ZNF292: variants seen among roughly 807,000 people sequenced by gnomAD.
The protein encoded by ZNF292 is 16 zinc-finger domain protein.
ZNF292 carries 26 observed loss-of-function variants against 217.9 expected under a neutral mutation model. That is an observed-to-expected ratio of 0.12 (90% CI 0.09 to 0.17). ZNF292 has a LOEUF of 0.17. Among genes scored for constraint, ZNF292 ranks in the 10% least tolerant of loss-of-function variants. ZNF292 has a pLI of 1.00. For synonymous variants in ZNF292, 1,257 were observed against 1,124.1 expected (o/e 1.12, Z -2.37); for missense variants, 2,904 against 3,175.2 (o/e 0.91, Z 2.05).
intron 4 of ZNF292, 53 bp downstream of exon 4, chr6:87,218,784 A>G: frequency 6.7e-7 from 1 of 1,497,410 alleles, no homozygotes; most frequent in Non-Finnish European, 8.9e-7. Flanking sequence ...AGAAAAAATA[A>G]GTGTTAAAGT....
chr6:87,155,904 C>A (rs1159954207), intron 1 of ZNF292, 145 bp downstream of exon 1: 7 of 1,068,276 alleles, frequency 6.6e-6, no homozygotes, highest in African/African-American at 1.6e-5. Flanking sequence ...AGAAGGAAGG[C>A]GCCTTTGTGT....
chr6:87,258,956 G>T lies in ZNF292; in HGVS notation c.5327G>T (p.Gly1776Val), dbSNP rs1169546527. ...TCTCAAATACTTGAGGTAAAAAGTGGATCTCAGGGTGCTGGTGAAACTTCA... is the reference window on the plus strand; with the variant it reads ...TCTCAAATACTTGAGGTAAAAAGTGTATCTCAGGGTGCTGGTGAAACTTCA... ...MNSQILEVKS[G>V]SQGAGETSQN... Residue 1776 changes from glycine (G) to valine (V), a missense_variant, in exon 8 of 8, where the codon GGA (glycine) becomes GTA (valine). By Grantham distance (109) the Gly-to-Val change is moderately radical. Around this residue, in one of 15 missense-constraint regions of ZNF292, gnomAD observed 622 missense variants for 573.1 expected, o/e 1.09. Coordinates refer to ENST00000369577, the MANE Select transcript of ZNF292 (RefSeq NM_015021.3). 1.2e-6 allele frequency: 2 copies of T among 1,612,942 alleles called. No homozygotes were observed. Among genetic ancestry groups the T allele is most frequent in the South Asian group, 2.2e-5 (2 of 90,970 alleles).
intron 7 of ZNF292, among the ~76,000 whole-genome samples, chr6:87,250,192 G>A (rs994067377): frequency 1.3e-4 from 20 of 151,852 alleles, no homozygotes; most frequent in African/African-American, 4.4e-4. Context: ...TGGCTCACCT[G>A]TAATCCCAGC....
intron 1 of ZNF292, among the ~76,000 whole-genome samples, chr6:87,186,008 T>G (rs1771638897): frequency 6.6e-6 from 1 of 152,190 alleles, no homozygotes; most frequent in Admixed American, 6.5e-5. Context: ...TACCTAGGCA[T>G]GATTGATTAC....
At chr6:87,224,654 A>G (rs1773251026) in intron 4 of ZNF292, among the ~76,000 whole-genome samples, 1 of 152,202 alleles carries the variant, frequency 6.6e-6, no homozygotes, top group African/African-American at 2.4e-5. Context: ...CCAATGAGCT[A>G]TTAGCTCATT....
chr6:87,214,346 G>T (rs897244826), intron 1 of ZNF292, among the ~76,000 whole-genome samples: 1 of 151,958 alleles, frequency 6.6e-6, no homozygotes, highest in Non-Finnish European at 1.5e-5. Flanking sequence ...CTTTACCTTT[G>T]GGTTTCATGT....
At chr6:87,235,046 C>G (rs1363638640) in intron 5 of ZNF292, among the ~76,000 whole-genome samples, 2 of 152,094 alleles carry the variant, frequency 1.3e-5, no homozygotes, top group African/African-American at 4.8e-5. Context: ...GATACTATAT[C>G]ACTATTAGTT....
chr6:87,250,698 C>T (rs956131695), intron 7 of ZNF292, among the ~76,000 whole-genome samples: 2 of 152,124 alleles, frequency 1.3e-5, no homozygotes, highest in African/African-American at 4.8e-5. Flanking sequence ...GGAACCAATG[C>T]CCCCAGATTC....
chr6:87,261,927 CAAA>C lies in ZNF292; in HGVS notation c.*130_*132del. On this transcript the variant is annotated 3_prime_UTR_variant, in exon 8 of 8. Transcript: ENST00000369577. ...TGACATGAATTAACCTGGCCAAAAA[CAAA>C]AAAGAAAAAAAAAACATGACATTTG... The C allele has an allele frequency of 1.6e-6, 1 of 626,558 alleles. No individual in the cohort carries two copies. Among genetic ancestry groups the C allele is most frequent in the Non-Finnish European group, 2.3e-6 (1 of 427,978 alleles). The allele number at this position is 626,558 out of a possible 1,614,324, so 38.8% of individuals were successfully genotyped here. A position where few individuals can be genotyped will look rare whatever the true frequency, so the allele number is the denominator to read the frequency against.
rs745802482 is a variant in ZNF292, at chr6:87,261,753, T to TA, written c.8125dup (p.Met2709AsnfsTer8). ...ATTCAAATGATCCAGATATGTCTGT[T>TA]ATGAAAGATATCAGTATAGGTAAAG... is the stretch of plus-strand genomic sequence containing the variant. On this transcript the variant is annotated frameshift_variant, in exon 8 of 8. Transcript: ENST00000369577. LOFTEE classifies it high-confidence loss of function. 1 of 1,612,918 alleles carries TA rather than the reference T, an allele frequency of 6.2e-7. No homozygotes were observed. Among genetic ancestry groups the TA allele is most frequent in the South Asian group, 1.1e-5 (1 of 91,040 alleles).
At chr6:87,253,106 T>A (rs1179131720) in intron 7 of ZNF292, among the ~76,000 whole-genome samples, 1 of 150,058 alleles carries the variant, frequency 6.7e-6, no homozygotes, top group Non-Finnish European at 1.5e-5. Context: ...AGAGATGAGG[T>A]CTTTCTGTAT....
chr6:87,161,835 A>G (rs538722767), intron 1 of ZNF292, among the ~76,000 whole-genome samples: 43 of 152,312 alleles, frequency 2.8e-4, no homozygotes, highest in Non-Finnish European at 5.7e-4. Flanking sequence ...TCTTTTTCCC[A>G]TTCTAGAGTT....
intron 7 of ZNF292, among the ~76,000 whole-genome samples, chr6:87,250,757 A>G (rs1485482000): frequency 6.6e-6 from 1 of 152,214 alleles, no homozygotes; most frequent in African/African-American, 2.4e-5. Context: ...AGATCTGCAA[A>G]GGAATTGGAG....
chr6:87,253,164 T>C (rs1775018970), intron 7 of ZNF292, among the ~76,000 whole-genome samples: 1 of 150,520 alleles, frequency 6.6e-6, no homozygotes, highest in Non-Finnish European at 1.5e-5. Flanking sequence ...CCCTCCCACC[T>C]TGCCTTCCCA....
chr6:87,258,668 A>C lies in ZNF292; in HGVS notation c.5039A>C (p.Gln1680Pro), dbSNP rs546872525. The change falls in exon 8 of 8, where the codon CAG becomes CCG. Residue 1680 changes from glutamine (Q) to proline (P), a missense_variant. Physicochemically the swap from Gln to Pro is moderately conservative, Grantham distance 76. Transcript: ENST00000369577. The stretch of plus-strand genomic sequence containing the variant: ...AATGTAATTCCAACTTGTGAACCTC[A>C]GAGTTTGGTGGAAAATCTAACACAG... ...HSNVIPTCEP[Q>P]SLVENLTQKL... 6.2e-7 allele frequency: 1 copy of C among 1,613,542 alleles called. No homozygotes were observed. Among genetic ancestry groups the C allele is most frequent in the African/African-American group, 1.3e-5 (1 of 75,044 alleles).
chr6:87,255,124 G>C lies in ZNF292; in HGVS notation c.1495G>C (p.Gly499Arg). 1 of 1,613,688 alleles carries C rather than the reference G, an allele frequency of 6.2e-7. No individual in the cohort carries two copies. The highest frequency in any genetic ancestry group is 8.5e-7 in the Non-Finnish European group (1 of 1,179,836). Residue 499 changes from glycine (G) to arginine (R), a missense_variant, in exon 8 of 8, where the codon GGT becomes CGT. Gly to Arg is a moderately radical substitution (Grantham distance 125). Transcript: ENST00000369577. ...AGAAACTTCTATGAATGGGCTTTCTGGTGGAGTTGGTGCTAATTCTGGCCT... is the reference window on the plus strand; with the variant it reads ...AGAAACTTCTATGAATGGGCTTTCTCGTGGAGTTGGTGCTAATTCTGGCCT... ...SKETSMNGLSGGVGANSGLLK... is the reference protein window; with the variant it reads ...SKETSMNGLSRGVGANSGLLK...
chr6:87,175,748 A>G (rs1270545846), intron 1 of ZNF292, among the ~76,000 whole-genome samples: 3 of 152,232 alleles, frequency 2.0e-5, no homozygotes, highest in Non-Finnish European at 2.9e-5. Context: ...ACATTGTTTT[A>G]AAGAAAATTT....
intron 1 of ZNF292, among the ~76,000 whole-genome samples, chr6:87,209,262 C>A (rs1184081703): frequency 6.6e-6 from 1 of 152,110 alleles, no homozygotes; most frequent in Non-Finnish European, 1.5e-5. Flanking sequence ...GTCAGTCTTA[C>A]ATATGCTTTC....
intron 7 of ZNF292, among the ~76,000 whole-genome samples, chr6:87,250,582 G>T (rs1207344888): frequency 1.3e-5 from 2 of 152,224 alleles, no homozygotes; most frequent in African/African-American, 4.8e-5. Context: ...GTAATACAGA[G>T]ATGAATTAAA....
Sources: gnomAD v4.1 joint callset for allele counts (sites outside exome capture counted in the v4.1 genomes callset) on GRCh38, gnomAD v4.1.1 for gene constraint, gnomAD v4.1.1 regional missense constraint, MANE v1.5 for transcripts, NCBI Gene and HGNC (gene_info 2026-07-23, HGNC 2026-07-21) for gene names.